MRTFA: variants seen among roughly 807,000 people sequenced by gnomAD.
MRTFA encodes myocardin-related transcription factor A.
Under a neutral mutation model 83.5 loss-of-function variants are expected in MRTFA, and 20 were observed. The observed-to-expected ratio is 0.24, with a 90% confidence interval of 0.17 to 0.35. MRTFA has a LOEUF of 0.35. Among genes scored for constraint, MRTFA ranks in the 10% least tolerant of loss-of-function variants. The pLI, the probability that MRTFA is intolerant of heterozygous loss-of-function variation, is 1.00. For missense variants in MRTFA, 1,200 were observed against 1,224.7 expected, an observed-to-expected ratio of 0.98 and a Z score of 0.30; for synonymous variants, 659 against 541.2, an observed-to-expected ratio of 1.22 and a Z score of -3.02.
chr22:40,492,106 TTCTCCTCCAGCA>T (rs2054281214), intron 3 of MRTFA, among the ~76,000 whole-genome samples: 1 of 152,186 alleles, frequency 6.6e-6, no homozygotes, highest in African/African-American at 2.4e-5. Context: ...AATCTTGGCC[TTCTCCTCCAGCA>T]TGCTGGAGGA....
At chr22:40,586,455 C>T (rs1296676505) in intron 2 of MRTFA, among the ~76,000 whole-genome samples, 1 of 152,098 alleles carries the variant, frequency 6.6e-6, no homozygotes, top group African/African-American at 2.4e-5. Context: ...AGAAGTTAAA[C>T]CCTACCAAAA....
At chr22:40,436,751 CTG>C (rs1222687845) in intron 4 of MRTFA, among the ~76,000 whole-genome samples, 2 of 152,310 alleles carry the variant, frequency 1.3e-5, no homozygotes, top group East Asian at 3.9e-4. Context: ...ATTTATAAGA[CTG>C]TGGTCAGTTT....
In MRTFA at chr22:40,632,950, T is replaced by C. The variant is rs139715154; in HGVS notation, c.-84+3528A>G. ...TATTTCCTTGATTCTCAAAACTCTATTAAAGCCTTAGACATAAACAGCGCC... is the reference window on the plus strand; with the variant it reads ...TATTTCCTTGATTCTCAAAACTCTACTAAAGCCTTAGACATAAACAGCGCC... On this transcript the variant is annotated intron_variant, in intron 1 of 14. Coordinates refer to ENST00000355630, the MANE Select transcript of MRTFA (RefSeq NM_020831.6). 1.5e-3 allele frequency among the ~76,000 whole-genome samples: 229 copies of C among 152,358 alleles called. 4 individuals carry two copies. The East Asian group carries it at 0.041, about 27-fold the overall frequency.
rs186304277 is a variant in MRTFA at position 40,494,108 on chromosome 22, C to T, written c.242-30822G>A. ...ATGCCTATATGGTTTATATGTGTCA[C>T]GTGTATGTGGTATTTCACTACCAAA... On this transcript the variant is annotated intron_variant, in intron 3 of 14. Coordinates refer to ENST00000355630, the MANE Select transcript of MRTFA (RefSeq NM_020831.6). Among the ~76,000 whole-genome samples, 98 of 152,212 alleles carry T rather than the reference C, an allele frequency of 6.4e-4. 1 individual carries two copies. Among genetic ancestry groups the T allele is most frequent in the Middle Eastern group, 3.4e-3 (1 of 294 alleles).
In MRTFA at chr22:40,562,882, A is replaced by T. The variant is rs182347878; in HGVS notation, c.-21-10515T>A. Among the ~76,000 whole-genome samples, 11 of 152,264 alleles carry T rather than the reference A, an allele frequency of 7.2e-5. No individual in the cohort carries two copies. In the East Asian group the frequency reaches 2.1e-3, roughly 29 times the overall value. On this transcript the variant is annotated intron_variant, in intron 2 of 14. Coordinates refer to ENST00000355630, the MANE Select transcript of MRTFA (RefSeq NM_020831.6). The stretch of plus-strand genomic sequence containing the variant: ...TAGGTATCTATAGAGTTCTCAACGA[A>T]TTGGGTAGCCAAGGTGATAAATACC...
chr22:40,516,422 GAAAAAAAAA>G (rs56745896), intron 3 of MRTFA, among the ~76,000 whole-genome samples: 13 of 47,014 alleles, frequency 2.8e-4, no homozygotes, highest in Non-Finnish European at 3.9e-4. Flanking sequence ...ACTGCCTCAA[GAAAAAAAAA>G]AAAAAAAAAA....
chr22:40,567,519 A>C (rs988256852), intron 2 of MRTFA, among the ~76,000 whole-genome samples: 1 of 152,194 alleles, frequency 6.6e-6, no homozygotes, highest in Non-Finnish European at 1.5e-5. Flanking sequence ...ACAATTTTCA[A>C]GTTAGGAATT....
intron 3 of MRTFA, among the ~76,000 whole-genome samples, chr22:40,495,920 GC>G (rs71328715): frequency 6.6e-6 from 1 of 151,538 alleles, no homozygotes; most frequent in South Asian, 2.1e-4. Context: ...ATAAAAGTTA[GC>G]CGGGTGTGGT....
chr22:40,566,321 A>G (rs889202407), intron 2 of MRTFA, among the ~76,000 whole-genome samples: 4 of 151,860 alleles, frequency 2.6e-5, no homozygotes, highest in Non-Finnish European at 5.9e-5. Context: ...CTTGGGTTCA[A>G]GCAATTCTCT....
intron 4 of MRTFA, among the ~76,000 whole-genome samples, chr22:40,459,830 C>CATATATACATATATATATAT (rs1555973837): frequency 8.1e-5 from 7 of 86,944 alleles, no homozygotes; most frequent in Admixed American, 3.9e-4. Flanking sequence ...CACATATATA[C>CATATATACATATATATATAT]ATATATATAT....
intron 3 of MRTFA, among the ~76,000 whole-genome samples, chr22:40,489,267 CA>C (rs2054228481): frequency 6.6e-6 from 1 of 151,796 alleles, no homozygotes; most frequent in Non-Finnish European, 1.5e-5. Context: ...CCATTTGAGG[CA>C]AAATCTGTTT....
At chr22:40,484,600 C>A (rs1052429443) in intron 3 of MRTFA, among the ~76,000 whole-genome samples, 1 of 152,194 alleles carries the variant, frequency 6.6e-6, no homozygotes, top group African/African-American at 2.4e-5. Context: ...GAACATTTCA[C>A]TACTGCAGGT....
At chr22:40,485,946 C>A (rs1312278630) in intron 3 of MRTFA, among the ~76,000 whole-genome samples, 1 of 152,190 alleles carries the variant, frequency 6.6e-6, no homozygotes, top group Non-Finnish European at 1.5e-5. Context: ...CTTGCTAGAG[C>A]ACAGCCATGC....
intron 2 of MRTFA, among the ~76,000 whole-genome samples, chr22:40,590,367 C>A (rs1303278554): frequency 6.6e-6 from 1 of 151,862 alleles, no homozygotes; most frequent in African/African-American, 2.4e-5. Flanking sequence ...GGTAGGTAAG[C>A]CTTTAAAAAG....
rs1221224753 is a variant in MRTFA, at chr22:40,416,161, A to C, written c.2578+825T>G. 1.3e-5 allele frequency among the ~76,000 whole-genome samples: 2 copies of C among 151,342 alleles called. No individual in the cohort carries two copies. Among genetic ancestry groups the C allele is most frequent in the Non-Finnish European group, 2.9e-5 (2 of 67,830 alleles). On this transcript the variant is annotated intron_variant, in intron 14 of 14. Coordinates refer to ENST00000355630, the MANE Select transcript of MRTFA (RefSeq NM_020831.6). The surrounding 1 kb of genome is among the most constrained non-coding windows in gnomAD (Gnocchi z 4.2). ...AGCTCACCCCATCAATGGCCACTCC[A>C]CCCTGGCCCTTTAGGCCACAGCCCT... is the stretch of plus-strand genomic sequence containing the variant.
intron 3 of MRTFA, chr22:40,519,372 G>A: frequency 3.2e-6 from 4 of 1,260,900 alleles, no homozygotes; most frequent in African/African-American, 1.5e-5. Context: ...AAACCTTGGA[G>A]GGTTTTGTGT....
intron 12 of MRTFA, among the ~76,000 whole-genome samples, chr22:40,418,038 C>T (rs2052724473): frequency 6.6e-6 from 1 of 152,126 alleles, no homozygotes; most frequent in Non-Finnish European, 1.5e-5. Context: ...GGCAGGCTAC[C>T]TCTGACCTTC....
chr22:40,626,066 C>T (rs2056578454), intron 1 of MRTFA, among the ~76,000 whole-genome samples: 2 of 152,064 alleles, frequency 1.3e-5, no homozygotes, highest in South Asian at 4.1e-4. Flanking sequence ...TCACTGCAAC[C>T]TCCACCTCCC....
chr22:40,553,714 G>C (rs1353549676), intron 2 of MRTFA, among the ~76,000 whole-genome samples: 2 of 152,162 alleles, frequency 1.3e-5, no homozygotes, highest in Non-Finnish European at 2.9e-5. Context: ...TGTGGGGTCG[G>C]AGCGCCCACA....
Sources: allele counts gnomAD v4.1 joint callset (sites outside exome capture counted in the v4.1 genomes callset), GRCh38; gene constraint gnomAD v4.1.1; non-coding constraint Gnocchi (gnomAD v3.1); transcripts MANE v1.5; gene names NCBI Gene and HGNC (gene_info 2026-07-23, HGNC 2026-07-21).